The following NECTIN3 variants were observed in gnomAD, a reference collection of about 807,000 sequenced individuals.
NECTIN3 encodes nectin cell adhesion molecule 3, also known as nectin-3.
Under a neutral mutation model 49.4 loss-of-function variants are expected in NECTIN3, and 8 were observed. That is an observed-to-expected ratio of 0.16 (90% confidence interval 0.10 to 0.29). The LOEUF (loss-of-function observed/expected upper bound fraction) is 0.29. NECTIN3 is among the 10% of genes least tolerant of loss of function. NECTIN3 has a pLI of 1.00. For synonymous variants in NECTIN3, 277 were observed against 241.1 expected, an observed-to-expected ratio of 1.15 and a Z score of -1.38; for missense variants, 581 against 654.6, an observed-to-expected ratio of 0.89 and a Z score of 1.23.
rs1576191893 is a variant in NECTIN3, at chr3:111,192,533, T to A, written c.63+120T>A. The A allele has an allele frequency of 6.0e-6, 6 of 993,132 alleles. No homozygotes were observed. In the East Asian group the frequency reaches 1.6e-4, roughly 26 times the overall value. The allele number at this position is 993,132 out of a possible 1,614,324, so 61.5% of individuals were successfully genotyped here. A position where few individuals can be genotyped will look rare whatever the true frequency, so the allele number is the denominator to read the frequency against. ...CATCTTTCCCCTATTTGAGTGTCTC[T>A]GCTAAGATCTGGTAGTCCTTGAATT... On this transcript the variant is annotated intron_variant, in intron 1 of 1. Coordinates refer to the NECTIN3 transcript ENST00000485506.
At chr3:111,175,836 A>G (rs1328449654) in intron 7 of NECTIN3, among the ~76,000 whole-genome samples, 5 of 152,210 alleles carry the variant, frequency 3.3e-5, no homozygotes, top group Non-Finnish European at 7.3e-5. Context: ...GGGTGGGGCC[A>G]TCCAATTTGT....
At chr3:111,147,510 A>T (rs767226866) in intron 7 of NECTIN3, 2 of 1,430,456 alleles carry the variant, frequency 1.4e-6, no homozygotes, top group Non-Finnish European at 1.9e-6. Context: ...TACACTTAAG[A>T]TAATGTAAGA....
In NECTIN3 at chr3:111,112,331, G is replaced by C. The variant is rs184658645; in HGVS notation, c.462G>C (p.Pro154=). Reference sequence around the variant, plus strand: ...ACATCTGCAAAGCTGTTACATTCCCGCTTGGAAATGCCCAGTCCTCTACAA... The same window carrying C: ...ACATCTGCAAAGCTGTTACATTCCCCCTTGGAAATGCCCAGTCCTCTACAA... ...GKYICKAVTF[P]LGNAQSSTTV... is the part of the protein sequence containing the mutation. Residue 154 remains proline, a synonymous_variant, in exon 2 of 6, where the codon CCG becomes CCC. Transcript: ENST00000485303. 4 of 1,611,890 alleles carry C rather than the reference G, an allele frequency of 2.5e-6. No individual in the cohort carries two copies. Among genetic ancestry groups the C allele is most frequent in the Non-Finnish European group, 3.4e-6 (4 of 1,178,674 alleles).
chr3:111,080,984 A>G (rs950683162), intron 1 of NECTIN3, among the ~76,000 whole-genome samples: 1 of 152,176 alleles, frequency 6.6e-6, no homozygotes, highest in South Asian at 2.1e-4. Context: ...TTTTAAACAT[A>G]TTTAAAACAC....
intron 7 of NECTIN3, among the ~76,000 whole-genome samples, chr3:111,150,735 A>G (rs924650177): frequency 6.6e-6 from 1 of 151,692 alleles, no homozygotes; most frequent in Non-Finnish European, 1.5e-5. Flanking sequence ...TATATACTTC[A>G]ACTAAACAAC....
chr3:111,146,021 T>C (rs1346813246), intron 6 of NECTIN3, among the ~76,000 whole-genome samples: 1 of 152,208 alleles, frequency 6.6e-6, no homozygotes, highest in Non-Finnish European at 1.5e-5. Context: ...CTATGGCACC[T>C]TGGAGCTAGA....
At chr3:111,107,808 A>C (rs1020554610) in intron 1 of NECTIN3, among the ~76,000 whole-genome samples, 2 of 152,176 alleles carry the variant, frequency 1.3e-5, no homozygotes, top group Non-Finnish European at 2.9e-5. Flanking sequence ...CACAGTTTTA[A>C]GATTCCATGG....
At chr3:111,097,375 C>T (rs950314441) in intron 1 of NECTIN3, among the ~76,000 whole-genome samples, 2 of 152,152 alleles carry the variant, frequency 1.3e-5, no homozygotes, top group African/African-American at 2.4e-5. Flanking sequence ...TGCCTTGTCT[C>T]GAATGAGACT....
intron 2 of NECTIN3, among the ~76,000 whole-genome samples, chr3:111,117,499 G>C (rs776930164): frequency 6.6e-6 from 1 of 152,038 alleles, no homozygotes. Flanking sequence ...TGTTCATTGC[G>C]TGTGTTGCAT....
intron 3 of NECTIN3, among the ~76,000 whole-genome samples, 169 bp downstream of exon 3, chr3:111,119,121 T>C (rs1268150715): frequency 2.0e-5 from 3 of 152,218 alleles, no homozygotes; most frequent in African/African-American, 7.2e-5. Flanking sequence ...TTTGTAAAGA[T>C]GGACAGATGA....
intron 1 of NECTIN3, among the ~76,000 whole-genome samples, chr3:111,073,855 A>G (rs1312478080): frequency 6.6e-5 from 10 of 152,238 alleles, no homozygotes; most frequent in Admixed American, 5.2e-4. Context: ...TGGTTGTGAA[A>G]ATGAATTGTT....
intron 7 of NECTIN3, among the ~76,000 whole-genome samples, chr3:111,170,618 G>A (rs2035416810): frequency 6.6e-6 from 1 of 152,168 alleles, no homozygotes; most frequent in African/African-American, 2.4e-5. Flanking sequence ...AGGGGTCAGT[G>A]GATGAAAAAT....
At chr3:111,081,085 G>C (rs973473614) in intron 1 of NECTIN3, among the ~76,000 whole-genome samples, 9 of 152,090 alleles carry the variant, frequency 5.9e-5, no homozygotes, top group African/African-American at 2.2e-4. Context: ...AGACCAGCCT[G>C]GGCAACATAG....
At chr3:111,162,777 A>C (rs530626169) in intron 7 of NECTIN3, among the ~76,000 whole-genome samples, 2 of 152,322 alleles carry the variant, frequency 1.3e-5, no homozygotes, top group African/African-American at 4.8e-5. Flanking sequence ...TTTTACCAAC[A>C]GCCTCCTTGA....
rs184105587 is a variant in NECTIN3 at position 111,117,560 on chromosome 3, C to T, written c.503-1096C>T. ...GTAATGCATCTTATGAAAGGAACTA[C>T]ATAAGGAAAATAATCATATCCATGA... is the stretch of plus-strand genomic sequence containing the variant. On this transcript the variant is annotated intron_variant, in intron 2 of 5. Transcript: ENST00000485303. 2.3e-3 allele frequency among the ~76,000 whole-genome samples: 347 copies of T among 151,902 alleles called. 4 individuals carry two copies. The highest frequency in any genetic ancestry group is 7.6e-3 in the African/African-American group (316 of 41,452).
At chr3:111,116,774 T>A (rs922765140) in intron 2 of NECTIN3, among the ~76,000 whole-genome samples, 1 of 152,056 alleles carries the variant, frequency 6.6e-6, no homozygotes. Context: ...ATCTGAGATA[T>A]TAAAAATAAA....
At chr3:111,150,183 T>A (rs549113222) in intron 7 of NECTIN3, among the ~76,000 whole-genome samples, 18 of 152,154 alleles carry the variant, frequency 1.2e-4, no homozygotes, top group African/African-American at 3.6e-4. Flanking sequence ...CTACTGAGAA[T>A]GATAATAGTA....
rs75023242 is a variant in NECTIN3, at chr3:111,121,375, G to A, written c.800-746G>A. 2.6e-5 allele frequency among the ~76,000 whole-genome samples: 4 copies of A among 152,180 alleles called. No homozygotes were observed. In the East Asian group the frequency reaches 7.7e-4, roughly 29 times the overall value. On this transcript the variant is annotated intron_variant, in intron 3 of 5. Transcript: ENST00000485303. ...TTATTAGGAGCTAAACAGAGTGATG[G>A]TTGAATGAATGATAGTTATTGGACT... is the stretch of plus-strand genomic sequence containing the variant.
At chr3:111,145,965 A>G (rs142395047) in intron 6 of NECTIN3, among the ~76,000 whole-genome samples, 362 of 152,262 alleles carry the variant, frequency 2.4e-3, no homozygotes, top group African/African-American at 8.3e-3. Flanking sequence ...ATGACCATGA[A>G]CAAGTACTTT....
Sources: gnomAD v4.1 joint callset for allele counts (sites outside exome capture counted in the v4.1 genomes callset) on GRCh38, gnomAD v4.1.1 for gene constraint, MANE v1.5 for transcripts, NCBI Gene and HGNC (gene_info 2026-07-23, HGNC 2026-07-21) for gene names.